Variants in CTNNA2 observed in about 807,000 individuals in gnomAD.
CTNNA2 encodes the protein catenin alpha-2.
A neutral mutation model predicts 101.0 loss-of-function variants in CTNNA2; 42 were observed. The ratio of observed to expected loss-of-function variants is 0.42; its 90% CI spans 0.32 to 0.54. CTNNA2 has a LOEUF of 0.54. Ranked by LOEUF, CTNNA2 falls within the 20% of genes least tolerant of loss-of-function variation. The pLI is 0.14. For synonymous variants in CTNNA2, 450 were observed against 456.4 expected (o/e 0.99, Z 0.18); for missense variants, 871 against 1,223.1 (o/e 0.71, Z 4.29).
intron 7 of CTNNA2, among the ~76,000 whole-genome samples, chr2:80,103,351 G>T (rs1313408043): frequency 6.6e-6 from 1 of 151,846 alleles, no homozygotes; most frequent in African/African-American, 2.4e-5. Context: ...ATAGAATTCT[G>T]GTGTCTCTTA....
chr2:80,110,196 T>A (rs989470133), intron 7 of CTNNA2, among the ~76,000 whole-genome samples: 1 of 152,168 alleles, frequency 6.6e-6, no homozygotes, highest in African/African-American at 2.4e-5. Context: ...GGGAATTATC[T>A]TGTTCTTCTC....
intron 7 of CTNNA2, among the ~76,000 whole-genome samples, chr2:80,186,572 A>G (rs1358342534): frequency 6.6e-6 from 1 of 152,202 alleles, no homozygotes; most frequent in African/African-American, 2.4e-5. Context: ...ACACATTAAC[A>G]ATGTTTGTTT....
chr2:80,351,095 T>C (rs970173868), intron 7 of CTNNA2, among the ~76,000 whole-genome samples: 1 of 151,998 alleles, frequency 6.6e-6, no homozygotes, highest in African/African-American at 2.4e-5. Flanking sequence ...CTACAACCAT[T>C]GAGAACAGAA....
chr2:79,941,942 C>T (rs1437799942), intron 7 of CTNNA2, among the ~76,000 whole-genome samples: 1 of 152,070 alleles, frequency 6.6e-6, no homozygotes, highest in African/African-American at 2.4e-5. Flanking sequence ...TTTAAAGGAT[C>T]TGTAGAAATT....
intron 2 of CTNNA2, among the ~76,000 whole-genome samples, chr2:79,714,081 A>T (rs1441750105): frequency 6.6e-6 from 1 of 152,014 alleles, no homozygotes; most frequent in East Asian, 1.9e-4. Context: ...TGTGTATGGC[A>T]CAACCTGCTC....
At chr2:79,703,617 G>A (rs991421473) in intron 2 of CTNNA2, among the ~76,000 whole-genome samples, 1 of 152,108 alleles carries the variant, frequency 6.6e-6, no homozygotes, top group Non-Finnish European at 1.5e-5. Flanking sequence ...TGTCAATCCT[G>A]CTGTGTTAAT....
rs532869845 is a variant in CTNNA2 at position 80,577,077 on chromosome 2, G to T, written c.1893+2763G>T. Among the ~76,000 whole-genome samples the T allele has an allele frequency of 1.1e-3, 174 of 152,246 alleles. 1 individual carries two copies. The highest frequency in any genetic ancestry group is 4.1e-3 in the African/African-American group (170 of 41,556). ...TTATTAATTAGAAATAGTTCAGTAT[G>T]ATTAAAAATTGGTAATTCTGTCTTG... On this transcript the variant is annotated intron_variant, in intron 13 of 18. Coordinates refer to ENST00000402739, the MANE Select transcript of CTNNA2 (RefSeq NM_001282597.3).
At chr2:79,803,816 T>C (rs1256902091) in intron 3 of CTNNA2, among the ~76,000 whole-genome samples, 2 of 152,234 alleles carry the variant, frequency 1.3e-5, no homozygotes, top group Non-Finnish European at 2.9e-5. Context: ...GCTATGAGCA[T>C]GTGTATAAGT....
At chr2:80,001,531 G>A (rs1021224330) in intron 7 of CTNNA2, among the ~76,000 whole-genome samples, 15 of 152,140 alleles carry the variant, frequency 9.9e-5, no homozygotes, top group Non-Finnish European at 1.9e-4. Context: ...TAGGAGAAAT[G>A]GAGGCTGAAC....
intron 3 of CTNNA2, among the ~76,000 whole-genome samples, chr2:79,796,135 T>C (rs768946184): frequency 3.3e-5 from 5 of 152,200 alleles, no homozygotes; most frequent in Non-Finnish European, 7.3e-5. Context: ...CTTGGGGTAC[T>C]ATAAAGGGGC....
chr2:80,537,224 C>T (rs2149608212), intron 9 of CTNNA2, among the ~76,000 whole-genome samples: 1 of 152,274 alleles, frequency 6.6e-6, no homozygotes, highest in South Asian at 2.1e-4. Context: ...TGGCTTTCAG[C>T]TTCATCCATG....
intron 9 of CTNNA2, among the ~76,000 whole-genome samples, chr2:80,448,216 A>G (rs77630734): frequency 2.8e-4 from 43 of 152,276 alleles, no homozygotes; most frequent in African/African-American, 9.9e-4. Context: ...GATTGTCTTC[A>G]CTTACTAAAG....
At chr2:79,270,023 C>T in intron 2 of CTNNA2, among the ~76,000 whole-genome samples, 1 of 152,174 alleles carries the variant, frequency 6.6e-6, no homozygotes, top group Middle Eastern at 3.4e-3. Flanking sequence ...CTTGCTCTCC[C>T]CACTTATTGT....
intron 4 of CTNNA2, among the ~76,000 whole-genome samples, chr2:79,433,692 GAAACTTGTAACCAGAA>G (rs1034053977): frequency 2.0e-5 from 3 of 146,950 alleles, no homozygotes; most frequent in African/African-American, 5.0e-5. Flanking sequence ...CAGGACAAAG[GAAACTTGTAACCAGAA>G]AACTTGTAAT....
At chr2:79,749,285 G>A (rs1671849681) in intron 3 of CTNNA2, among the ~76,000 whole-genome samples, 1 of 152,132 alleles carries the variant, frequency 6.6e-6, no homozygotes, top group South Asian at 2.1e-4. Context: ...CATTCTCGGA[G>A]TATGCGTAAG....
chr2:80,036,923 A>G (rs1275217284), intron 7 of CTNNA2, among the ~76,000 whole-genome samples: 1 of 151,966 alleles, frequency 6.6e-6, no homozygotes, highest in Non-Finnish European at 1.5e-5. Context: ...GTGAGAAACT[A>G]TTGGGTTATG....
At chr2:80,286,476 A>G (rs1674776800) in intron 7 of CTNNA2, among the ~76,000 whole-genome samples, 1 of 152,172 alleles carries the variant, frequency 6.6e-6, no homozygotes, top group African/African-American at 2.4e-5. Context: ...ATAAAATTAG[A>G]TTCTGGATTG....
intron 4 of CTNNA2, among the ~76,000 whole-genome samples, chr2:79,395,723 A>T (rs1678222726): frequency 6.6e-6 from 1 of 152,174 alleles, no homozygotes; most frequent in African/African-American, 2.4e-5. Context: ...GGTTTAAAGC[A>T]TTCCTATCTG....
chr2:80,272,971 A>G (rs904778895), intron 7 of CTNNA2, among the ~76,000 whole-genome samples: 1 of 152,144 alleles, frequency 6.6e-6, no homozygotes, highest in African/African-American at 2.4e-5. Flanking sequence ...CTGTTGGTAG[A>G]ACTTTGGGCG....
Sources: gnomAD v4.1 joint callset for allele counts (sites outside exome capture counted in the v4.1 genomes callset) on GRCh38, gnomAD v4.1.1 for gene constraint, MANE v1.5 for transcripts, NCBI Gene and HGNC (gene_info 2026-07-23, HGNC 2026-07-21) for gene names.